ZFPM2: variants seen among roughly 807,000 people sequenced by gnomAD.
ZFPM2 encodes zinc finger protein ZFPM2.
ZFPM2 carries 20 observed loss-of-function variants against 98.6 expected under a neutral mutation model. The observed-to-expected ratio is 0.20, with a 90% CI of 0.14 to 0.29. ZFPM2 has a LOEUF of 0.29. Ranked by LOEUF, ZFPM2 falls within the 10% of genes least tolerant of loss-of-function variation. ZFPM2 has a pLI of 1.00. For synonymous variants in ZFPM2, 518 were observed against 502.7 expected, an observed-to-expected ratio of 1.03 and a Z score of -0.41; for missense variants, 1,310 against 1,388.6, an observed-to-expected ratio of 0.94 and a Z score of 0.90.
At chr8:105,527,003 C>G (rs1168445669) in intron 3 of ZFPM2, among the ~76,000 whole-genome samples, 6 of 152,064 alleles carry the variant, frequency 3.9e-5, no homozygotes, top group African/African-American at 1.4e-4. Flanking sequence ...GTAATAGCAG[C>G]ATGTATTTCC....
chr8:105,579,308 AGAAAGTAAAAACTAGCCTTAAGATT>A (rs1425558300), intron 4 of ZFPM2, among the ~76,000 whole-genome samples: 1 of 152,194 alleles, frequency 6.6e-6, no homozygotes, highest in African/African-American at 2.4e-5. Flanking sequence ...AAATCAAGTT[AGAAAGTAAAAACTAGCCTTAAGATT>A]TTTAAAAAGA....
In ZFPM2 at chr8:105,790,121, A is replaced by T. The variant is rs371657809; in HGVS notation, c.739+1197A>T. On this transcript the variant is annotated intron_variant, in intron 6 of 7. Transcript: ENST00000407775. Reference sequence around the variant, plus strand: ...CCCATTTGTCAATTTTGGCTTTTGTAGCCATTGCTTTTGGTGTTTTAGACA... The same window carrying T: ...CCCATTTGTCAATTTTGGCTTTTGTTGCCATTGCTTTTGGTGTTTTAGACA... 1.8e-4 allele frequency among the ~76,000 whole-genome samples: 27 copies of T among 151,442 alleles called. No homozygotes were observed. In the East Asian group the frequency reaches 2.1e-3, roughly 12 times the overall value.
At chr8:105,415,863 T>C (rs1178714689) in intron 1 of ZFPM2, among the ~76,000 whole-genome samples, 1 of 152,094 alleles carries the variant, frequency 6.6e-6, no homozygotes, top group Admixed American at 6.6e-5. Flanking sequence ...GACACTTGCT[T>C]TGGAAGAAAT....
chr8:105,335,846 C>T (rs993091605), intron 1 of ZFPM2, among the ~76,000 whole-genome samples: 5 of 151,778 alleles, frequency 3.3e-5, no homozygotes, highest in African/African-American at 1.2e-4. Flanking sequence ...AATTGGTTGG[C>T]CTGCTACGTG....
intron 5 of ZFPM2, among the ~76,000 whole-genome samples, chr8:105,636,560 T>G (rs1816851335): frequency 6.6e-6 from 1 of 152,152 alleles, no homozygotes; most frequent in South Asian, 2.1e-4. Context: ...AAAGTTTAGC[T>G]GTGATGGCTT....
intron 3 of ZFPM2, among the ~76,000 whole-genome samples, chr8:105,453,972 C>G (rs1812536729): frequency 6.6e-6 from 1 of 151,980 alleles, no homozygotes; most frequent in Admixed American, 6.6e-5. Flanking sequence ...TAAATGAGGA[C>G]TTTTGTTTTA....
intron 5 of ZFPM2, among the ~76,000 whole-genome samples, chr8:105,751,574 G>T (rs1386194687): frequency 6.6e-6 from 1 of 152,086 alleles, no homozygotes; most frequent in Non-Finnish European, 1.5e-5. Context: ...GCTAGAAAAT[G>T]TAGTGTAGGA....
At chr8:105,737,362 A>T (rs1812100372) in intron 5 of ZFPM2, 1 of 153,446 alleles carries the variant, frequency 6.5e-6, no homozygotes, top group Non-Finnish European at 1.5e-5. Flanking sequence ...CAGCCCACAG[A>T]CTGGGCAGTC....
intron 4 of ZFPM2, among the ~76,000 whole-genome samples, chr8:105,563,970 C>T (rs1815192400): frequency 6.6e-6 from 1 of 152,048 alleles, no homozygotes; most frequent in Admixed American, 6.6e-5. Context: ...CTATTACTCT[C>T]TGTATGTATA....
chr8:105,492,135 G>A, intron 3 of ZFPM2, among the ~76,000 whole-genome samples: 1 of 152,078 alleles, frequency 6.6e-6, no homozygotes. Flanking sequence ...AACAAACTGT[G>A]TTAAAACAAA....
At chr8:105,404,673 A>G (rs1433017617) in intron 1 of ZFPM2, among the ~76,000 whole-genome samples, 5 of 152,060 alleles carry the variant, frequency 3.3e-5, no homozygotes, top group East Asian at 1.9e-4. Flanking sequence ...ATACATACAC[A>G]TACACTTTGA....
intron 3 of ZFPM2, among the ~76,000 whole-genome samples, chr8:105,465,137 G>A (rs1812775202): frequency 6.8e-6 from 1 of 148,046 alleles, no homozygotes; most frequent in Non-Finnish European, 1.5e-5. Context: ...AGGAAAACTG[G>A]AAAAAAAAAA....
rs775854541 is a variant in ZFPM2 at position 105,801,545 on chromosome 8, T to C, written c.1463T>C (p.Ile488Thr). The change falls in exon 8 of 8, where the codon ATT (isoleucine) becomes ACT (threonine). Residue 488 changes from isoleucine (I) to threonine (T), a missense_variant. Ile to Thr is a moderately conservative substitution (Grantham distance 89). Coordinates refer to ENST00000407775, the MANE Select transcript of ZFPM2 (RefSeq NM_012082.4). ...GCCTCATCTCCAGTTCAGCCTAATATTGGGCCTTCTTTCCCTGTGGGCCCT... is the reference window on the plus strand; with the variant it reads ...GCCTCATCTCCAGTTCAGCCTAATACTGGGCCTTCTTTCCCTGTGGGCCCT... ...RLASSPVQPNIGPSFPVGPFL... is the reference protein window; with the variant it reads ...RLASSPVQPNTGPSFPVGPFL... The C allele has an allele frequency of 4.3e-5, 70 of 1,613,866 alleles. 1 individual carries two copies. The South Asian group carries it at 7.5e-4, about 17-fold the overall frequency.
intron 5 of ZFPM2, among the ~76,000 whole-genome samples, chr8:105,644,820 A>G (rs77705163): frequency 0.015 from 2,297 of 152,088 alleles, 49 homozygotes; most frequent in African/African-American, 0.051. Context: ...TTTTCTTCTT[A>G]TGTGTACACT....
chr8:105,521,229 G>T (rs1178681556), intron 3 of ZFPM2, among the ~76,000 whole-genome samples: 1 of 151,884 alleles, frequency 6.6e-6, no homozygotes, highest in Non-Finnish European at 1.5e-5. Context: ...AGGAAAGAGG[G>T]CCATCAGTAA....
intron 1 of ZFPM2, among the ~76,000 whole-genome samples, chr8:105,355,574 G>A (rs909794701): frequency 6.6e-6 from 1 of 152,048 alleles, no homozygotes; most frequent in African/African-American, 2.4e-5. Context: ...TTTATGATCG[G>A]AGAGTACTTA....
At chr8:105,470,800 T>C (rs1399108930) in intron 3 of ZFPM2, among the ~76,000 whole-genome samples, 1 of 151,884 alleles carries the variant, frequency 6.6e-6, no homozygotes, top group African/African-American at 2.4e-5. Flanking sequence ...AAAGAGAAGG[T>C]TTTTATTGTA....
At chr8:105,606,026 C>T (rs533716607) in intron 4 of ZFPM2, among the ~76,000 whole-genome samples, 19 of 152,198 alleles carry the variant, frequency 1.2e-4, no homozygotes, top group Non-Finnish European at 2.2e-4. Flanking sequence ...TAAACACTGA[C>T]AGTTTTTCTA....
intron 2 of ZFPM2, among the ~76,000 whole-genome samples, chr8:105,435,197 C>G (rs1338839636): frequency 6.6e-6 from 1 of 151,980 alleles, no homozygotes; most frequent in Non-Finnish European, 1.5e-5. Context: ...AATGGAAAGG[C>G]CCACAAAATA....
Sources: gnomAD v4.1 joint callset for allele counts (sites outside exome capture counted in the v4.1 genomes callset) on GRCh38, gnomAD v4.1.1 for gene constraint, MANE v1.5 for transcripts, NCBI Gene and HGNC (gene_info 2026-07-23, HGNC 2026-07-21) for gene names.